LRRTM4: variants seen among roughly 807,000 people sequenced by gnomAD.
LRRTM4 encodes the protein leucine-rich repeat transmembrane neuronal protein 4.
A neutral mutation model predicts 47.6 loss-of-function variants in LRRTM4; 25 were observed. The observed-to-expected ratio is 0.53, with a 90% CI of 0.38 to 0.73. The LOEUF is 0.73. Among genes scored for constraint, LRRTM4 ranks in the 30% least tolerant of loss-of-function variants. The pLI, the probability that LRRTM4 is intolerant of heterozygous loss-of-function variation, is 0.00. For synonymous variants in LRRTM4, 311 were observed against 269.5 expected (o/e 1.15, Z -1.51); for missense variants, 638 against 713.4 (o/e 0.89, Z 1.20).
chr2:77,066,975 G>C (rs1013295114), intron 3 of LRRTM4, among the ~76,000 whole-genome samples: 19 of 152,294 alleles, frequency 1.2e-4, no homozygotes, highest in Middle Eastern at 3.4e-3. Flanking sequence ...CCCCATGGGG[G>C]AAGTGCCAAA....
chr2:77,286,929 C>T (rs915703610), intron 3 of LRRTM4, among the ~76,000 whole-genome samples: 4 of 152,054 alleles, frequency 2.6e-5, no homozygotes, highest in African/African-American at 9.7e-5. Flanking sequence ...TTCTCAGAAT[C>T]ACATAATAAA....
intron 3 of LRRTM4, among the ~76,000 whole-genome samples, chr2:77,510,994 T>A (rs746820783): frequency 2.0e-5 from 3 of 152,072 alleles, no homozygotes; most frequent in East Asian, 1.9e-4. Context: ...TTCTTCTTGC[T>A]AGATTTAATG....
chr2:77,488,448 C>T (rs890425354), intron 3 of LRRTM4, among the ~76,000 whole-genome samples: 3 of 152,144 alleles, frequency 2.0e-5, no homozygotes, highest in Admixed American at 2.0e-4. Context: ...GTAGCGTGAG[C>T]AGACTGTGGC....
At chr2:76,982,456 C>T (rs770008173) in intron 3 of LRRTM4, among the ~76,000 whole-genome samples, 1 of 151,972 alleles carries the variant, frequency 6.6e-6, no homozygotes, top group Non-Finnish European at 1.5e-5. Flanking sequence ...GTGTATTGCC[C>T]TCATTTTAAT....
At chr2:77,008,188 T>C (rs1258411559) in intron 3 of LRRTM4, among the ~76,000 whole-genome samples, 7 of 152,172 alleles carry the variant, frequency 4.6e-5, no homozygotes, top group Non-Finnish European at 1.0e-4. Context: ...TATATTATTC[T>C]CATCCCAAAT....
chr2:76,833,536 TTAAC>T (rs1469006403), intron 3 of LRRTM4, among the ~76,000 whole-genome samples: 4 of 152,128 alleles, frequency 2.6e-5, no homozygotes, highest in African/African-American at 7.2e-5. Context: ...TTTTCTCAGT[TTAAC>T]TAACTGTGTA....
At chr2:77,222,662 A>T (rs1422628900) in intron 3 of LRRTM4, among the ~76,000 whole-genome samples, 1 of 152,204 alleles carries the variant, frequency 6.6e-6, no homozygotes, top group Non-Finnish European at 1.5e-5. Context: ...ACCAGGAAGA[A>T]GTTGAATCTT....
chr2:77,062,175 A>G (rs745789626), intron 3 of LRRTM4, among the ~76,000 whole-genome samples: 1 of 152,160 alleles, frequency 6.6e-6, no homozygotes, highest in African/African-American at 2.4e-5. Context: ...AACTTTCTGC[A>G]TATTTACATT....
rs539792995 is a variant in LRRTM4, at chr2:76,943,887, C to T, written c.1552-194971G>A. Among the ~76,000 whole-genome samples the T allele has an allele frequency of 5.3e-5, 8 of 152,262 alleles. No individual in the cohort carries two copies. The South Asian group carries it at 1.5e-3, about 28-fold the overall frequency. On this transcript the variant is annotated intron_variant, in intron 3 of 3. Coordinates refer to ENST00000409884, the MANE Select transcript of LRRTM4 (RefSeq NM_001134745.3). ...CAAAAGTTCCACATATTCTCTTACT[C>T]ATCTTGTGTATCTGGCCATATCTTT...
At chr2:77,346,127 G>T (rs1209632613) in intron 3 of LRRTM4, among the ~76,000 whole-genome samples, 1 of 152,016 alleles carries the variant, frequency 6.6e-6, no homozygotes, top group Non-Finnish European at 1.5e-5. Flanking sequence ...CATAATGTAT[G>T]ATTCCGTTAT....
chr2:77,521,494 C>A (rs1679496777), intron 2 of LRRTM4, among the ~76,000 whole-genome samples, 174 bp downstream of exon 2: 1 of 151,324 alleles, frequency 6.6e-6, no homozygotes, highest in Non-Finnish European at 1.5e-5. Context: ...AAAAACACTG[C>A]AAAAAGGAAA....
At chr2:77,281,943 T>C (rs1676517756) in intron 3 of LRRTM4, among the ~76,000 whole-genome samples, 2 of 151,936 alleles carry the variant, frequency 1.3e-5, no homozygotes. Flanking sequence ...TGTAGATTTT[T>C]AAATAGAACA....
intron 3 of LRRTM4, among the ~76,000 whole-genome samples, chr2:77,051,718 T>C (rs1458110367): frequency 1.3e-5 from 2 of 152,220 alleles, no homozygotes; most frequent in Non-Finnish European, 2.9e-5. Context: ...TGTGTAGGGC[T>C]GTCATCTGTT....
At chr2:77,104,185 C>T (rs1437879125) in intron 3 of LRRTM4, among the ~76,000 whole-genome samples, 3 of 152,124 alleles carry the variant, frequency 2.0e-5, no homozygotes, top group Non-Finnish European at 2.9e-5. Flanking sequence ...AATTCATCAG[C>T]CCACACTGCC....
rs3980215 is a variant in LRRTM4, at chr2:77,276,686, CATATATATATATATATATATATATAT to C, written c.1551+241606_1551+241631del. On this transcript the variant is annotated intron_variant, in intron 3 of 3. Coordinates refer to ENST00000409884, the MANE Select transcript of LRRTM4 (RefSeq NM_001134745.3). ...GTTCTTGTATATAAATTTGTGTACGCATATATATATATATATATATATATATATATATATATATATATATATGTTTT... is the reference window on the plus strand; with the variant it reads ...GTTCTTGTATATAAATTTGTGTACGCATATATATATATATATATATGTTTT... Among the ~76,000 whole-genome samples, 607 of 71,732 alleles carry C rather than the reference CATATATATATATATATATATATATAT, an allele frequency of 8.5e-3. 18 individuals carry two copies. The highest frequency in any genetic ancestry group is 0.029 in the Middle Eastern group (2 of 68). The allele number at this position is 71,732 out of a possible 152,430, so 47.1% of individuals were successfully genotyped here.
chr2:76,887,936 T>C (rs1673129568), intron 3 of LRRTM4, among the ~76,000 whole-genome samples: 1 of 151,036 alleles, frequency 6.6e-6, no homozygotes, highest in Non-Finnish European at 1.5e-5. Flanking sequence ...TAAAAGTATA[T>C]GCACTTTGAA....
intron 3 of LRRTM4, among the ~76,000 whole-genome samples, chr2:77,083,708 G>A (rs1438162037): frequency 6.9e-6 from 1 of 145,134 alleles, no homozygotes; most frequent in African/African-American, 2.5e-5. Flanking sequence ...CTCTGGTAGA[G>A]TGTTGATTGT....
intron 3 of LRRTM4, among the ~76,000 whole-genome samples, chr2:76,796,728 A>G (rs554565752): frequency 6.7e-6 from 1 of 149,868 alleles, no homozygotes; most frequent in East Asian, 2.0e-4. Flanking sequence ...GAACAGAAAA[A>G]CTGGAAACTC....
chr2:76,853,518 G>T (rs1672059191), intron 3 of LRRTM4, among the ~76,000 whole-genome samples: 1 of 151,978 alleles, frequency 6.6e-6, no homozygotes, highest in South Asian at 2.1e-4. Flanking sequence ...ATCTTTGGAT[G>T]AGAACACTGC....
Sources: gnomAD v4.1 joint callset for allele counts (sites outside exome capture counted in the v4.1 genomes callset) on GRCh38, gnomAD v4.1.1 for gene constraint, MANE v1.5 for transcripts, NCBI Gene and HGNC (gene_info 2026-07-23, HGNC 2026-07-21) for gene names.